Variants in SGCZ observed in about 807,000 individuals in gnomAD.
SGCZ encodes zeta-sarcoglycan.
Under a neutral mutation model 41.3 loss-of-function variants are expected in SGCZ, and 40 were observed. The ratio of observed to expected loss-of-function variants is 0.97; its 90% confidence interval spans 0.75 to 1.26. SGCZ has a LOEUF of 1.26. Among genes scored for constraint, SGCZ ranks in the 50% most tolerant of loss-of-function variants. SGCZ has a pLI of 0.00. For missense variants in SGCZ, 552 were observed against 369.8 expected (o/e 1.49, Z -4.04); for synonymous variants, 206 against 137.5 (o/e 1.50, Z -3.49).
At chr8:14,288,081 G>A (rs1174625641) in intron 3 of SGCZ, among the ~76,000 whole-genome samples, 1 of 152,034 alleles carries the variant, frequency 6.6e-6, no homozygotes, top group Non-Finnish European at 1.5e-5. Context: ...TTTTTGTGTA[G>A]CTGTTGACTT....
At chr8:15,161,744 T>C (rs1199769212) in intron 1 of SGCZ, among the ~76,000 whole-genome samples, 1 of 152,092 alleles carries the variant, frequency 6.6e-6, no homozygotes, top group Non-Finnish European at 1.5e-5. Flanking sequence ...AATTAACAAA[T>C]TAAAAAGAGG....
chr8:14,260,648 G>A (rs1376880612), intron 3 of SGCZ, among the ~76,000 whole-genome samples: 2 of 151,628 alleles, frequency 1.3e-5, no homozygotes, highest in Non-Finnish European at 2.9e-5. Context: ...ACATGCACAC[G>A]TATGTTTATT....
At chr8:14,309,118 T>C (rs1442762963) in intron 3 of SGCZ, 8 of 1,464,562 alleles carry the variant, frequency 5.5e-6, no homozygotes, top group Non-Finnish European at 7.6e-6. Flanking sequence ...CAGAACACTA[T>C]ATTAAACATC....
At chr8:14,658,702 A>G (rs944532829) in intron 1 of SGCZ, among the ~76,000 whole-genome samples, 2 of 152,142 alleles carry the variant, frequency 1.3e-5, no homozygotes, top group Non-Finnish European at 2.9e-5. Flanking sequence ...AGCAGGTATT[A>G]TTAATGTATT....
intron 2 of SGCZ, among the ~76,000 whole-genome samples, chr8:14,493,294 A>G (rs1373756725): frequency 6.7e-6 from 1 of 149,262 alleles, no homozygotes; most frequent in African/African-American, 2.5e-5. Context: ...CCTTAAATGT[A>G]AAATACTTCT....
rs147800566 is a variant in SGCZ at position 14,530,025 on chromosome 8, C to G, written c.234+24707G>C. ...TGACTTTAGGCTTTTAACACATAAA[C>G]AAATTCAAATATTTAAACATCCTTA... On this transcript the variant is annotated intron_variant, in intron 2 of 7. Transcript: ENST00000382080. Among the ~76,000 whole-genome samples the G allele has an allele frequency of 3.8e-3, 579 of 152,130 alleles. 6 individuals carry two copies. Among genetic ancestry groups the G allele is most frequent in the African/African-American group, 0.013 (543 of 41,536 alleles).
chr8:14,235,790 T>C (rs907837384), intron 4 of SGCZ, among the ~76,000 whole-genome samples: 3 of 152,158 alleles, frequency 2.0e-5, no homozygotes, highest in African/African-American at 7.2e-5. Flanking sequence ...GTTCGAGTGA[T>C]TCTCCAGCCT....
intron 1 of SGCZ, among the ~76,000 whole-genome samples, chr8:14,555,687 A>G (rs1804013924): frequency 6.6e-6 from 1 of 152,092 alleles, no homozygotes; most frequent in Non-Finnish European, 1.5e-5. Context: ...TGTTCTTTGC[A>G]GTAGAGAGAG....
rs1805939565 is a variant in SGCZ, at chr8:14,214,839, C to G, written c.424+22753G>C. On this transcript the variant is annotated intron_variant, in intron 4 of 7. Coordinates refer to ENST00000382080, the MANE Select transcript of SGCZ (RefSeq NM_139167.4). ...CATAGAAATCATAAGCAGGTATGCA[C>G]CAAATAACAAATCTTCACAATATAT... 1.3e-5 allele frequency among the ~76,000 whole-genome samples: 2 copies of G among 151,822 alleles called. 1 individual carries two copies. Among genetic ancestry groups the G allele is most frequent in the Admixed American group, 1.3e-4 (2 of 15,244 alleles).
chr8:14,571,453 T>A, intron 1 of SGCZ, among the ~76,000 whole-genome samples: 1 of 152,214 alleles, frequency 6.6e-6, no homozygotes, highest in East Asian at 1.9e-4. Context: ...TATACAGATC[T>A]GGCTGTGGTA....
chr8:15,097,034 C>T (rs961605900), intron 1 of SGCZ, among the ~76,000 whole-genome samples: 3 of 151,980 alleles, frequency 2.0e-5, no homozygotes, highest in African/African-American at 4.8e-5. Context: ...CCAAGCTTGT[C>T]TTTAACCCCA....
rs185354222 is a variant in SGCZ, at chr8:14,514,353, G to C, written c.234+40379C>G. On this transcript the variant is annotated intron_variant, in intron 2 of 7. Coordinates refer to ENST00000382080, the MANE Select transcript of SGCZ (RefSeq NM_139167.4). ...AGCCAGTTTCTGCTACTTACTACTT[G>C]AATAACAAACTACTTAATTTCCTTG... Among the ~76,000 whole-genome samples the C allele has an allele frequency of 1.4e-4, 21 of 152,068 alleles. No homozygotes were observed. In the South Asian group the frequency reaches 4.1e-3, roughly 30 times the overall value.
chr8:14,860,601 A>G (rs1455753297), intron 1 of SGCZ, among the ~76,000 whole-genome samples: 4 of 151,584 alleles, frequency 2.6e-5, no homozygotes. Flanking sequence ...AGAAAAGGAA[A>G]ATGAAAAAGA....
intron 1 of SGCZ, among the ~76,000 whole-genome samples, chr8:15,181,629 A>G (rs962216979): frequency 6.6e-6 from 1 of 152,188 alleles, no homozygotes; most frequent in African/African-American, 2.4e-5. Flanking sequence ...TACTTAATAT[A>G]TATTGCAGTG....
intron 1 of SGCZ, among the ~76,000 whole-genome samples, chr8:14,669,764 G>A (rs1196989719): frequency 6.6e-6 from 1 of 151,380 alleles, no homozygotes; most frequent in South Asian, 2.1e-4. Context: ...CAGACTTTTA[G>A]TATGTTTCCA....
intron 2 of SGCZ, among the ~76,000 whole-genome samples, chr8:14,388,966 T>C (rs1301651500): frequency 6.6e-6 from 1 of 151,950 alleles, no homozygotes; most frequent in Non-Finnish European, 1.5e-5. Context: ...ACAATAAATA[T>C]CTTTTAAAAT....
At chr8:15,109,977 T>A (rs1375446602) in intron 1 of SGCZ, among the ~76,000 whole-genome samples, 4 of 152,190 alleles carry the variant, frequency 2.6e-5, no homozygotes, top group African/African-American at 7.2e-5. Context: ...ATCAAATAAT[T>A]TTAAAAATAA....
chr8:14,200,430 C>T (rs1315744557), intron 4 of SGCZ, among the ~76,000 whole-genome samples: 2 of 152,060 alleles, frequency 1.3e-5, no homozygotes, highest in African/African-American at 4.8e-5. Flanking sequence ...GAACATTGGA[C>T]AACTCACTCT....
At chr8:14,250,162 G>C (rs551471752) in intron 3 of SGCZ, among the ~76,000 whole-genome samples, 4 of 152,276 alleles carry the variant, frequency 2.6e-5, no homozygotes, top group Non-Finnish European at 5.9e-5. Context: ...CCCAGCTGAG[G>C]TGCAGGACTA....
Sources: gnomAD v4.1 joint callset for allele counts (sites outside exome capture counted in the v4.1 genomes callset) on GRCh38, gnomAD v4.1.1 for gene constraint, MANE v1.5 for transcripts, NCBI Gene and HGNC (gene_info 2026-07-23, HGNC 2026-07-21) for gene names.